SNX27: variants seen among roughly 807,000 people sequenced by gnomAD.
SNX27 encodes sorting nexin 27.
In SNX27, 22 loss-of-function variants were observed where a neutral mutation model predicts 71.6. That is an observed-to-expected ratio of 0.31 (90% CI 0.22 to 0.44). The LOEUF (loss-of-function observed/expected upper bound fraction) is 0.44. Ranked by LOEUF, SNX27 falls within the 20% of genes least tolerant of loss-of-function variation. The pLI is 1.00. For missense variants in SNX27, 531 were observed against 698.6 expected (o/e 0.76, Z 2.70); for synonymous variants, 269 against 277.2 (o/e 0.97, Z 0.29).
Position 151,695,786 on chromosome 1 carries a change from C to A in SNX27, c.*1369C>A. The A allele has an allele frequency of 6.6e-6, 1 of 152,322 alleles. No homozygotes were observed. Among genetic ancestry groups the A allele is most frequent in the Non-Finnish European group, 1.5e-5 (1 of 68,078 alleles). 9.4% of individuals were successfully genotyped at this position (152,322 alleles called of 1,614,324 possible). On this transcript the variant is annotated 3_prime_UTR_variant, in exon 12 of 12. Coordinates refer to ENST00000458013, the MANE Select transcript of SNX27 (RefSeq NM_001330723.2). ...GAGTTAAGCTGATACCTTAGGCACACAGGTTGGACTTACATAGAGGAAAGA... is the reference window on the plus strand; with the variant it reads ...GAGTTAAGCTGATACCTTAGGCACAAAGGTTGGACTTACATAGAGGAAAGA...
At chr1:151,621,205 C>T (rs1667660367) in intron 1 of SNX27, among the ~76,000 whole-genome samples, 1 of 152,050 alleles carries the variant, frequency 6.6e-6, no homozygotes, top group Admixed American at 6.6e-5. Context: ...TATTCGTACT[C>T]CAGGGTTAAA....
At position 151,695,160 on chromosome 1, in the gene SNX27, T is replaced by G. The variant is rs1671644473; in HGVS notation, c.*743T>G. The G allele has an allele frequency of 6.6e-6, 1 of 152,554 alleles. No homozygotes were observed. Among genetic ancestry groups the G allele is most frequent in the African/African-American group, 2.4e-5 (1 of 41,404 alleles). The allele number at this position is 152,554 out of a possible 1,614,324, so 9.5% of individuals were successfully genotyped here. On this transcript the variant is annotated 3_prime_UTR_variant, in exon 12 of 12. Transcript: ENST00000458013. ...TGCTGGGGAGGAGAAAGAGGTGTGT[T>G]TCTCAAGGTTAACAGGCTGTAGTTC...
At chr1:151,693,072 TA>T in intron 10 of SNX27, 33 bp downstream of exon 10, 1 of 1,596,154 alleles carries the variant, frequency 6.3e-7, no homozygotes, top group South Asian at 1.2e-5. Flanking sequence ...AACTGGGACT[TA>T]GTTTGTTTTT....
Position 151,696,667 on chromosome 1 carries a change from T to TTTC in SNX27, c.*2251_*2253dup, listed in dbSNP as rs1553267316. The TTTC allele has an allele frequency of 8.0e-6, 1 of 124,856 alleles. No individual in the cohort carries two copies. The highest frequency in any genetic ancestry group is 1.6e-5 in the Non-Finnish European group (1 of 60,808). The allele number at this position is 124,856 out of a possible 1,614,324, so 7.7% of individuals were successfully genotyped here. A position where few individuals can be genotyped will look rare whatever the true frequency, so the allele number is the denominator to read the frequency against. ...TTTTTTTCTGTTTTTTTTTTTTTTT[T>TTTC]TTCCCAGAGTCTTGCTCTGTCGCCC... On this transcript the variant is annotated 3_prime_UTR_variant, in exon 12 of 12. Transcript: ENST00000458013.
chr1:151,625,532 AT>A (rs1558036285), intron 1 of SNX27, among the ~76,000 whole-genome samples: 2 of 151,374 alleles, frequency 1.3e-5, no homozygotes, highest in African/African-American at 2.4e-5. Context: ...AAATAAAAAA[AT>A]ATTGGTATAA....
chr1:151,683,236 T>A lies in SNX27; in HGVS notation c.1150-120T>A. On this transcript the variant is annotated intron_variant, in intron 7 of 11. Coordinates refer to ENST00000458013, the MANE Select transcript of SNX27 (RefSeq NM_001330723.2). Reference sequence around the variant, plus strand: ...GACATGTGGCAGAGTTCACTGGTAATGATGGTGGTCCAAGTGGATAAGAGA... The same window carrying A: ...GACATGTGGCAGAGTTCACTGGTAAAGATGGTGGTCCAAGTGGATAAGAGA... 8 of 694,534 alleles carry A rather than the reference T, an allele frequency of 1.2e-5. No individual in the cohort carries two copies. In the South Asian group the frequency reaches 1.3e-4, roughly 12 times the overall value. The allele number at this position is 694,534 out of a possible 1,614,324, so 43.0% of individuals were successfully genotyped here.
intron 2 of SNX27, among the ~76,000 whole-genome samples, chr1:151,656,147 C>CG (rs1050307289): frequency 5.0e-5 from 7 of 138,942 alleles, no homozygotes; most frequent in Non-Finnish European, 3.0e-5. Context: ...GGCGTGAACC[C>CG]GGGGGGCGGA....
Position 151,659,428 on chromosome 1 carries a change from G to T in SNX27, c.736+1001G>T, listed in dbSNP as rs1054689412. Among the ~76,000 whole-genome samples the T allele has an allele frequency of 2.0e-5, 3 of 152,100 alleles. No individual in the cohort carries two copies. In the South Asian group the frequency reaches 6.2e-4, roughly 32 times the overall value. ...TGCCCGGCTGATTTTTGTATTTTTAGTAGAGACGGGGTTTCTCCATGTTGG... is the reference window on the plus strand; with the variant it reads ...TGCCCGGCTGATTTTTGTATTTTTATTAGAGACGGGGTTTCTCCATGTTGG... On this transcript the variant is annotated intron_variant, in intron 3 of 11. Coordinates refer to ENST00000458013, the MANE Select transcript of SNX27 (RefSeq NM_001330723.2).
chr1:151,670,745 T>G (rs1277148435), intron 7 of SNX27, among the ~76,000 whole-genome samples: 2 of 152,188 alleles, frequency 1.3e-5, no homozygotes, highest in Non-Finnish European at 2.9e-5. Flanking sequence ...GCTTTTTCAC[T>G]TTGTTGATTG....
At chr1:151,641,771 A>G (rs1006778143) in intron 2 of SNX27, among the ~76,000 whole-genome samples, 2 of 83,268 alleles carry the variant, frequency 2.4e-5, no homozygotes, top group African/African-American at 7.3e-5. Flanking sequence ...TATATGCTAT[A>G]TATATCTGAT....
chr1:151,659,751 A>G (rs1669872967), intron 3 of SNX27: 1 of 152,258 alleles, frequency 6.6e-6, no homozygotes, highest in South Asian at 2.1e-4. Flanking sequence ...CTAGGAAGGC[A>G]GGGAAATGAC....
intron 2 of SNX27, among the ~76,000 whole-genome samples, chr1:151,655,867 A>G (rs950170187): frequency 6.6e-6 from 1 of 152,180 alleles, no homozygotes; most frequent in African/African-American, 2.4e-5. Context: ...GTGGAACTCT[A>G]CTTCATATTA....
intron 1 of SNX27, among the ~76,000 whole-genome samples, chr1:151,633,720 G>A (rs1668348568): frequency 6.6e-6 from 1 of 152,108 alleles, no homozygotes. Flanking sequence ...CAAATGAGTC[G>A]GATTCTTTTC....
chr1:151,654,355 T>G (rs76127501), intron 2 of SNX27, among the ~76,000 whole-genome samples: 3,508 of 152,230 alleles, frequency 0.023, 127 homozygotes, highest in African/African-American at 0.078. Flanking sequence ...TTGCCCTTCC[T>G]TCTTATTGCA....
In SNX27 at chr1:151,637,120, T is replaced by G. The variant is rs536816789; in HGVS notation, c.312-1768T>G. ...CTCCAAAGCCCATTTTCTTTCCATT[T>G]TACCATGCTGGTATATGATCAGAGT... On this transcript the variant is annotated intron_variant, in intron 1 of 11. Transcript: ENST00000458013. 2.0e-5 allele frequency among the ~76,000 whole-genome samples: 3 copies of G among 152,134 alleles called. No homozygotes were observed. The East Asian group carries it at 5.8e-4, about 29-fold the overall frequency.
intron 1 of SNX27, among the ~76,000 whole-genome samples, chr1:151,633,584 A>G (rs1372177965): frequency 6.6e-6 from 1 of 152,116 alleles, no homozygotes; most frequent in Non-Finnish European, 1.5e-5. Flanking sequence ...CAGGCGTGAC[A>G]CGTAAGAAAG....
chr1:151,684,966 G>T (rs540949710), intron 8 of SNX27, among the ~76,000 whole-genome samples: 2 of 151,882 alleles, frequency 1.3e-5, no homozygotes, highest in African/African-American at 4.8e-5. Flanking sequence ...CCAACACCAC[G>T]CTTGGCTAAT....
At chr1:151,678,676 A>G (rs997181249) in intron 7 of SNX27, 3 of 152,018 alleles carry the variant, frequency 2.0e-5, no homozygotes, top group Admixed American at 6.6e-5. Flanking sequence ...ACTATTTTCC[A>G]TAGTGACTGC....
chr1:151,652,230 GGGAGAGGGAGAGGGAGAC>G lies in SNX27; in HGVS notation c.544-5987_544-5970del, dbSNP rs1284576772. Among the ~76,000 whole-genome samples the G allele has an allele frequency of 1.6e-4, 19 of 120,986 alleles. 1 individual carries two copies. Among genetic ancestry groups the G allele is most frequent in the African/African-American group, 2.7e-4 (8 of 29,296 alleles). The allele number at this position is 120,986 out of a possible 152,430, so 79.4% of individuals were successfully genotyped here. ...GGGGAGAGGGAGAGGGAGAGGGAGA[GGGAGAGGGAGAGGGAGAC>G]GGAGAGGGAGAGGGAGAGGAAACTG... On this transcript the variant is annotated intron_variant, in intron 2 of 11. Transcript: ENST00000458013.
Sources: allele counts gnomAD v4.1 joint callset (sites outside exome capture counted in the v4.1 genomes callset), GRCh38; gene constraint gnomAD v4.1.1; transcripts MANE v1.5; gene names NCBI Gene and HGNC (gene_info 2026-07-23, HGNC 2026-07-21).